The following UNC79 variants were observed in gnomAD, a reference collection of about 807,000 sequenced individuals.
UNC79 encodes the protein protein unc-79 homolog.
A neutral mutation model predicts 283.1 loss-of-function variants in UNC79; 37 were observed. The observed-to-expected ratio is 0.13, with a 90% CI of 0.10 to 0.17. The LOEUF (loss-of-function observed/expected upper bound fraction) is 0.17, where lower values mean the gene tolerates loss of function less well. Ranked by LOEUF, UNC79 falls within the 10% of genes least tolerant of loss-of-function variation. UNC79 has a pLI of 1.00. For synonymous variants in UNC79, 1,107 were observed against 1,200.2 expected (o/e 0.92, Z 1.61); for missense variants, 2,272 against 3,211.1 (o/e 0.71, Z 7.07).
chr14:93,466,849 C>T, intron 1 of UNC79: 1 of 985,392 alleles, frequency 1.0e-6, no homozygotes, highest in South Asian at 4.7e-5. Flanking sequence ...TCCTTCACTA[C>T]AGCCAGGTCA....
intron 4 of UNC79, among the ~76,000 whole-genome samples, chr14:93,485,566 G>C (rs2058375802): frequency 6.6e-6 from 1 of 152,146 alleles, no homozygotes; most frequent in South Asian, 2.1e-4. Flanking sequence ...GCTACAGTTT[G>C]AGAGCAGCCA....
intron 9 of UNC79, among the ~76,000 whole-genome samples, chr14:93,529,037 C>T (rs1203757316): frequency 6.6e-6 from 1 of 152,094 alleles, no homozygotes; most frequent in East Asian, 1.9e-4. Flanking sequence ...ACAGATCATG[C>T]AGTATTTTGG....
At chr14:93,605,899 G>C (rs1415013099) in intron 26 of UNC79, among the ~76,000 whole-genome samples, 1 of 152,122 alleles carries the variant, frequency 6.6e-6, no homozygotes, top group Non-Finnish European at 1.5e-5. Flanking sequence ...GAGAAAAAAG[G>C]AATAGCAAAC....
chr14:93,538,335 C>T, intron 12 of UNC79, 117 bp downstream of exon 12: 5 of 1,008,962 alleles, frequency 5.0e-6, no homozygotes, highest in Non-Finnish European at 7.0e-6. Flanking sequence ...CCCAGATGCT[C>T]ACCTTCCCAC....
chr14:93,662,458 A>G (rs2071698045), intron 39 of UNC79, 146 bp from the exon 43 acceptor site: 3 of 542,196 alleles, frequency 5.5e-6, no homozygotes, highest in Admixed American at 3.2e-5. Flanking sequence ...TATTAGACCA[A>G]TGGGGTTGCT....
At chr14:93,471,145 C>T (rs2057479494) in intron 2 of UNC79, among the ~76,000 whole-genome samples, 1 of 152,076 alleles carries the variant, frequency 6.6e-6, no homozygotes, top group Non-Finnish European at 1.5e-5. Flanking sequence ...ATTGTAATTT[C>T]CAGTTGCTTA....
At chr14:93,506,475 A>C (rs917705439) in intron 7 of UNC79, among the ~76,000 whole-genome samples, 1 of 152,150 alleles carries the variant, frequency 6.6e-6, no homozygotes, top group Non-Finnish European at 1.5e-5. Flanking sequence ...CATACTTTGA[A>C]GGTATTTCAT....
chr14:93,478,688 C>T (rs1404555095), intron 4 of UNC79, among the ~76,000 whole-genome samples: 3 of 152,126 alleles, frequency 2.0e-5, no homozygotes, highest in Non-Finnish European at 4.4e-5. Context: ...AGCACAATGC[C>T]TGGTATGCAA....
At chr14:93,487,895 A>T in intron 5 of UNC79, 140 bp downstream of exon 5, 1 of 701,190 alleles carries the variant, frequency 1.4e-6, no homozygotes, top group Non-Finnish European at 2.2e-6. Flanking sequence ...GTTGGAATCA[A>T]TTTATCTTGC....
intron 8 of UNC79, among the ~76,000 whole-genome samples, chr14:93,526,444 A>G (rs1008994975): frequency 2.0e-5 from 3 of 152,236 alleles, no homozygotes; most frequent in Non-Finnish European, 2.9e-5. Context: ...ACAATCAGTA[A>G]TACTTATCAT....
At chr14:93,500,791 A>G (rs1026090265) in intron 7 of UNC79, among the ~76,000 whole-genome samples, 1 of 152,142 alleles carries the variant, frequency 6.6e-6, no homozygotes, top group African/African-American at 2.4e-5. Context: ...GTGTTACATC[A>G]CTTTTTTCAG....
intron 31 of UNC79, among the ~76,000 whole-genome samples, chr14:93,636,577 C>T (rs1401774805): frequency 6.6e-6 from 1 of 152,172 alleles, no homozygotes; most frequent in African/African-American, 2.4e-5. Context: ...CTGATCAGTT[C>T]ACGTCAGCAC....
chr14:93,465,037 T>C (rs1242769), intron 1 of UNC79, among the ~76,000 whole-genome samples: 3 of 151,920 alleles, frequency 2.0e-5, no homozygotes, highest in African/African-American at 7.3e-5. Context: ...GCTTGAACAT[T>C]TTTTTCAATC....
intron 26 of UNC79, among the ~76,000 whole-genome samples, chr14:93,609,024 G>A (rs2066098851): frequency 1.3e-5 from 2 of 152,114 alleles, no homozygotes; most frequent in Admixed American, 6.5e-5. Context: ...ATTGTCATTG[G>A]CCACATGGGA....
At chr14:93,611,570 C>T (rs1315576671) in intron 26 of UNC79, among the ~76,000 whole-genome samples, 4 of 152,156 alleles carry the variant, frequency 2.6e-5, no homozygotes, top group South Asian at 4.1e-4. Flanking sequence ...TCTTATGCCT[C>T]GCGTCTCTTG....
In UNC79 at chr14:93,474,339, G is replaced by A. The variant is rs560443809; in HGVS notation, c.394G>A (p.Val132Met). ...TTCTTTGGACTACCAAGGCCTCTACGTGACTTTGGTGACCCTCCTGGATCT... is the reference window on the plus strand; with the variant it reads ...TTCTTTGGACTACCAAGGCCTCTACATGACTTTGGTGACCCTCCTGGATCT... The change falls in exon 3 of 49, where the codon GTG becomes ATG. Residue 132 changes from valine to methionine, a missense_variant. This residue lies in a region of UNC79 where 194 missense variants were observed against 268.9 expected (regional missense o/e 0.72). Transcript: ENST00000555664. The surrounding 1 kb of genome is among the most constrained non-coding windows in gnomAD (Gnocchi z 4.1). The A allele has an allele frequency of 9.0e-5, 139 of 1,536,016 alleles. No individual in the cohort carries two copies. The highest frequency in any genetic ancestry group is 1.4e-4 in the South Asian group (12 of 84,060).
intron 40 of UNC79, among the ~76,000 whole-genome samples, chr14:93,672,408 G>C (rs2072958875): frequency 6.6e-6 from 1 of 152,130 alleles, no homozygotes; most frequent in African/African-American, 2.4e-5. Context: ...AAATAATCCA[G>C]GCACAGAAAG....
intron 1 of UNC79, among the ~76,000 whole-genome samples, chr14:93,337,142 C>T (rs746147410): frequency 5.3e-5 from 8 of 152,260 alleles, no homozygotes; most frequent in South Asian, 2.1e-4. Context: ...TTTCCAGGCC[C>T]GCCCACAGAC....
At chr14:93,628,967 G>A (rs758366182) in intron 30 of UNC79, among the ~76,000 whole-genome samples, 1 of 152,168 alleles carries the variant, frequency 6.6e-6, no homozygotes, top group Admixed American at 6.5e-5. Flanking sequence ...GGGAGGCCAA[G>A]GTGGGTGTAT....
Sources: gnomAD v4.1 joint callset for allele counts (sites outside exome capture counted in the v4.1 genomes callset) on GRCh38, gnomAD v4.1.1 for gene constraint, gnomAD v4.1.1 regional missense constraint, Gnocchi (gnomAD v3.1) non-coding constraint, MANE v1.5 for transcripts, NCBI Gene and HGNC (gene_info 2026-07-23, HGNC 2026-07-21) for gene names.